The following COG5 variants were observed in gnomAD, a reference collection of about 807,000 sequenced individuals.
COG5 encodes conserved oligomeric Golgi complex subunit 5.
A neutral mutation model predicts 110.4 loss-of-function variants in COG5; 86 were observed. The observed-to-expected ratio is 0.78, with a 90% CI of 0.65 to 0.93. The LOEUF (loss-of-function observed/expected upper bound fraction) is 0.93. COG5 is among the 40% of genes least tolerant of loss of function. The probability of loss-of-function intolerance (pLI) is 0.00; values close to 1 mark genes in which losing one functional copy is unlikely to be tolerated. For missense variants in COG5, 1,077 were observed against 987.0 expected (o/e 1.09, Z -1.22); for synonymous variants, 360 against 334.6 (o/e 1.08, Z -0.83).
chr7:107,302,633 G>T (rs973500159), intron 11 of COG5, among the ~76,000 whole-genome samples: 2 of 152,158 alleles, frequency 1.3e-5, no homozygotes, highest in Non-Finnish European at 2.9e-5. Flanking sequence ...TGGGCCTCAA[G>T]TAACACTATA....
intron 11 of COG5, among the ~76,000 whole-genome samples, chr7:107,312,842 C>T (rs574814950): frequency 6.9e-6 from 1 of 145,126 alleles, no homozygotes; most frequent in Non-Finnish European, 1.5e-5. Context: ...CAGAGGACCT[C>T]GGCAGAAGAA....
intron 6 of COG5, among the ~76,000 whole-genome samples, chr7:107,440,353 T>C (rs1171359206): frequency 6.6e-6 from 1 of 152,036 alleles, no homozygotes; most frequent in Admixed American, 6.6e-5. Flanking sequence ...TTTCAGCAGC[T>C]ATAGGATAGT....
At chr7:107,258,457 C>T in intron 14 of COG5, 74 bp from the exon 15 acceptor site, 3 of 819,084 alleles carry the variant, frequency 3.7e-6, no homozygotes, top group Non-Finnish European at 6.5e-6. Context: ...CTCTCACACA[C>T]ACACATACAC....
chr7:107,510,025 A>G (rs1032302877), intron 6 of COG5, among the ~76,000 whole-genome samples: 1 of 152,222 alleles, frequency 6.6e-6, no homozygotes, highest in African/African-American at 2.4e-5. Context: ...CATCATAATG[A>G]CAAGACCAAA....
intron 14 of COG5, among the ~76,000 whole-genome samples, chr7:107,271,280 T>C (rs1391108597): frequency 1.3e-5 from 2 of 152,182 alleles, no homozygotes; most frequent in African/African-American, 2.4e-5. Context: ...TTGACACTTC[T>C]GCATTTCCAT....
intron 12 of COG5, among the ~76,000 whole-genome samples, chr7:107,296,890 C>T (rs937462834): frequency 6.6e-6 from 1 of 152,184 alleles, no homozygotes; most frequent in Non-Finnish European, 1.5e-5. Context: ...ACTGCTACTG[C>T]TTTAGCCAGC....
intron 6 of COG5, among the ~76,000 whole-genome samples, chr7:107,502,246 T>C (rs79523883): frequency 5.9e-5 from 9 of 152,220 alleles, no homozygotes; most frequent in Non-Finnish European, 1.0e-4. Flanking sequence ...CTCCCACTTA[T>C]AATGAGAACA....
chr7:107,259,766 A>G (rs766627801), intron 14 of COG5, among the ~76,000 whole-genome samples: 96 of 152,182 alleles, frequency 6.3e-4, no homozygotes, highest in African/African-American at 2.3e-3. Flanking sequence ...TTTTATTTCA[A>G]TTTGTTTTGT....
chr7:107,541,536 A>C (rs1324546426), intron 5 of COG5, among the ~76,000 whole-genome samples: 2 of 136,896 alleles, frequency 1.5e-5, no homozygotes, highest in East Asian at 4.1e-4. Flanking sequence ...ATATATATAT[A>C]TATATATGTA....
chr7:107,365,497 C>T (rs991550574), intron 8 of COG5, among the ~76,000 whole-genome samples: 20 of 142,912 alleles, frequency 1.4e-4, no homozygotes, highest in Admixed American at 7.4e-4. Flanking sequence ...CTCTTAAAAC[C>T]AATTGTAAGA....
chr7:107,320,117 G>A (rs1809128300), intron 11 of COG5, among the ~76,000 whole-genome samples: 1 of 152,280 alleles, frequency 6.6e-6, no homozygotes, highest in Admixed American at 6.5e-5. Flanking sequence ...TAAGGAGAAT[G>A]AGGTGGCAAG....
chr7:107,263,554 A>C (rs1169313787), intron 14 of COG5, among the ~76,000 whole-genome samples: 1 of 152,118 alleles, frequency 6.6e-6, no homozygotes, highest in Non-Finnish European at 1.5e-5. Flanking sequence ...TTATTTTTAA[A>C]ACACACACAC....
intron 6 of COG5, among the ~76,000 whole-genome samples, chr7:107,443,594 T>C (rs1584829914): frequency 6.6e-6 from 1 of 151,676 alleles, no homozygotes; most frequent in South Asian, 2.1e-4. Context: ...AGTATTATGA[T>C]AGAGGAGAGA....
chr7:107,353,535 T>C (rs1358194838), intron 10 of COG5, among the ~76,000 whole-genome samples: 10 of 152,068 alleles, frequency 6.6e-5, no homozygotes, highest in Non-Finnish European at 1.5e-4. Flanking sequence ...CAAATTATCA[T>C]ATAAACTGAA....
At chr7:107,259,088 C>T (rs1803112850) in intron 14 of COG5, among the ~76,000 whole-genome samples, 2 of 151,794 alleles carry the variant, frequency 1.3e-5, no homozygotes, top group African/African-American at 2.4e-5. Context: ...TTTAGGGAAA[C>T]GGACATGGAA....
chr7:107,230,865 T>C (rs972361827), intron 18 of COG5, among the ~76,000 whole-genome samples, 174 bp from the exon 19 acceptor site: 1 of 152,178 alleles, frequency 6.6e-6, no homozygotes, highest in Non-Finnish European at 1.5e-5. Context: ...ACATAATTTT[T>C]GCATTTATTT....
rs574926940 is a variant in COG5 at position 107,257,747 on chromosome 7, T to C, written c.1686+526A>G. ...AAGACAAACAAGGTTCAGCCATTTC[T>C]TTCAAATTTCTAGTAGAAAAATAGC... On this transcript the variant is annotated intron_variant, in intron 15 of 21. Coordinates refer to ENST00000297135, the MANE Select transcript of COG5 (RefSeq NM_006348.5). 4.6e-5 allele frequency among the ~76,000 whole-genome samples: 7 copies of C among 152,280 alleles called. No homozygotes were observed. The South Asian group carries it at 6.2e-4, about 14-fold the overall frequency.
chr7:107,339,175 G>A (rs1035077903), intron 10 of COG5, among the ~76,000 whole-genome samples: 8 of 152,026 alleles, frequency 5.3e-5, no homozygotes, highest in African/African-American at 1.7e-4. Flanking sequence ...GTAAAGGGTT[G>A]GAGAAAGATC....
At chr7:107,555,432 T>C (rs540213383) in intron 2 of COG5, among the ~76,000 whole-genome samples, 2 of 152,334 alleles carry the variant, frequency 1.3e-5, no homozygotes, top group Non-Finnish European at 2.9e-5. Flanking sequence ...GTTTCAGATA[T>C]CACTGTCATT....
Sources: gnomAD v4.1 joint callset for allele counts (sites outside exome capture counted in the v4.1 genomes callset) on GRCh38, gnomAD v4.1.1 for gene constraint, MANE v1.5 for transcripts, NCBI Gene and HGNC (gene_info 2026-07-23, HGNC 2026-07-21) for gene names.